SHQ1: variants seen among roughly 807,000 people sequenced by gnomAD.
SHQ1 encodes SHQ1, H/ACA ribonucleoprotein assembly factor.
In SHQ1, 49 loss-of-function variants were observed where a neutral mutation model predicts 53.8. The observed-to-expected ratio is 0.91, with a 90% CI of 0.72 to 1.16. The LOEUF is 1.16. Ranked by LOEUF, SHQ1 falls within the 50% of genes most tolerant of loss-of-function variation. The pLI, the probability that SHQ1 is intolerant of heterozygous loss-of-function variation, is 0.00. For missense variants in SHQ1, 738 were observed against 683.1 expected (o/e 1.08, Z -0.90); for synonymous variants, 243 against 251.0 (o/e 0.97, Z 0.30).
At chr3:72,785,182 A>G (rs1440259380) in intron 10 of SHQ1, among the ~76,000 whole-genome samples, 4 of 152,252 alleles carry the variant, frequency 2.6e-5, no homozygotes, top group Admixed American at 6.5e-5. Flanking sequence ...GCATCATGCA[A>G]GACCATATGC....
rs906892708 is a variant in SHQ1 at position 72,751,216 on chromosome 3, G to GC, written c.1182-381dup. Among the ~76,000 whole-genome samples the GC allele has an allele frequency of 2.4e-4, 37 of 152,132 alleles. 1 individual carries two copies. Among genetic ancestry groups the GC allele is most frequent in the Admixed American group, 2.4e-3 (37 of 15,278 alleles). ...ACCTGAGGTCAGGAGTTCAAGACCA[G>GC]CCTGGCCAACATGGTGAAACCCTGT... On this transcript the variant is annotated intron_variant, in intron 10 of 10. Transcript: ENST00000325599.
downstream of SHQ1, among the ~76,000 whole-genome samples, chr3:72,746,065 A>T (rs184859260): frequency 6.6e-6 from 1 of 152,012 alleles, no homozygotes. Flanking sequence ...CTGGTCTCGA[A>T]CTCCTGACCT....
At chr3:72,738,003 A>G in the SHQ1 span, among the ~76,000 whole-genome samples, 1 of 152,114 alleles carries the variant, frequency 6.6e-6, no homozygotes, top group African/African-American at 2.4e-5. Context: ...TTGCCCCCCA[A>G]TTCCCCAGCT....
intron 9 of SHQ1, among the ~76,000 whole-genome samples, chr3:72,811,919 T>C (rs1231132520): frequency 6.6e-6 from 1 of 152,204 alleles, no homozygotes; most frequent in African/African-American, 2.4e-5. Context: ...GAAATGACCA[T>C]AAAGTACTAA....
chr3:72,731,297 G>A, the SHQ1 span, among the ~76,000 whole-genome samples: 1 of 149,198 alleles, frequency 6.7e-6, no homozygotes, highest in East Asian at 1.9e-4. Flanking sequence ...TGGACCAAGG[G>A]GCAGAATCAA....
chr3:72,762,390 C>G (rs1383300602), intron 10 of SHQ1, among the ~76,000 whole-genome samples: 1 of 152,180 alleles, frequency 6.6e-6, no homozygotes, highest in Non-Finnish European at 1.5e-5. Flanking sequence ...AGCTTTGCAA[C>G]TGTTTTACAT....
At chr3:72,766,665 G>C (rs911651063) in intron 10 of SHQ1, among the ~76,000 whole-genome samples, 1 of 152,218 alleles carries the variant, frequency 6.6e-6, no homozygotes, top group African/African-American at 2.4e-5. Flanking sequence ...TCATGCCTCA[G>C]ACACCAGGCA....
At chr3:72,791,675 T>C (rs902569587) in intron 10 of SHQ1, among the ~76,000 whole-genome samples, 3 of 152,168 alleles carry the variant, frequency 2.0e-5, no homozygotes, top group African/African-American at 7.2e-5. Context: ...CTATAGCACC[T>C]AGGAGTCATT....
At chr3:72,745,408 A>C (rs1321991873), downstream of SHQ1, among the ~76,000 whole-genome samples, 3 of 152,216 alleles carry the variant, frequency 2.0e-5, no homozygotes, top group Non-Finnish European at 2.9e-5. Flanking sequence ...TGCCCACAGC[A>C]AGGCCTCCGA....
intron 10 of SHQ1, among the ~76,000 whole-genome samples, chr3:72,767,135 G>C (rs537057517): frequency 6.6e-6 from 1 of 152,120 alleles, no homozygotes; most frequent in African/African-American, 2.4e-5. Context: ...TCCTCCACAC[G>C]GCCATCAGAC....
At chr3:72,835,078 C>T (rs539854451) in intron 4 of SHQ1, among the ~76,000 whole-genome samples, 3 of 151,134 alleles carry the variant, frequency 2.0e-5, no homozygotes, top group Non-Finnish European at 2.9e-5. Flanking sequence ...TGCAGCCCCA[C>T]ATCATAATAC....
intron 10 of SHQ1, among the ~76,000 whole-genome samples, chr3:72,767,170 T>C (rs919073939): frequency 1.3e-5 from 2 of 152,218 alleles, no homozygotes; most frequent in African/African-American, 4.8e-5. Context: ...ATTGCTTTCA[T>C]ATGTACGAAC....
At chr3:72,751,856 A>G (rs777528547) in intron 10 of SHQ1, among the ~76,000 whole-genome samples, 21 of 152,284 alleles carry the variant, frequency 1.4e-4, no homozygotes, top group Non-Finnish European at 2.8e-4. Flanking sequence ...GAACTTGGCA[A>G]TAACTTTCAA....
rs1706379311 is a variant in SHQ1, at chr3:72,789,735, G to GA, written c.1181+3180dup. 2.6e-5 allele frequency among the ~76,000 whole-genome samples: 4 copies of GA among 152,310 alleles called. No homozygotes were observed. In the East Asian group the frequency reaches 7.7e-4, roughly 29 times the overall value. On this transcript the variant is annotated intron_variant, in intron 10 of 10. Transcript: ENST00000325599. ...ACATAGACCTTAGCATTTTAGAGGGGAAAGAGATACACATCTAGATTCCTA... is the reference window on the plus strand; with the variant it reads ...ACATAGACCTTAGCATTTTAGAGGGGAAAAGAGATACACATCTAGATTCCTA...
At chr3:72,829,363 A>G (rs1256082746) in intron 5 of SHQ1, among the ~76,000 whole-genome samples, 3 of 152,206 alleles carry the variant, frequency 2.0e-5, no homozygotes, top group African/African-American at 4.8e-5. Flanking sequence ...ATTACAATAA[A>G]AATAGTGTCT....
At chr3:72,837,164 G>A (rs1181601231) in intron 4 of SHQ1, among the ~76,000 whole-genome samples, 3 of 152,162 alleles carry the variant, frequency 2.0e-5, no homozygotes, top group Non-Finnish European at 4.4e-5. Flanking sequence ...AGCTAGGGCA[G>A]TTTTCCAAAG....
chr3:72,815,243 A>T, intron 8 of SHQ1, 107 bp downstream of exon 8: 1 of 877,588 alleles, frequency 1.1e-6, no homozygotes, highest in Non-Finnish European at 1.9e-6. Context: ...TAGAGCTTCT[A>T]CTTTTAAAAA....
chr3:72,847,081 T>C (rs1708358988), intron 1 of SHQ1, among the ~76,000 whole-genome samples: 1 of 152,146 alleles, frequency 6.6e-6, no homozygotes, highest in Non-Finnish European at 1.5e-5. Context: ...CTCTCCCCAG[T>C]GAAAAGTACA....
intron 6 of SHQ1, among the ~76,000 whole-genome samples, chr3:72,820,034 TAGAGA>T (rs1489027067): frequency 2.0e-5 from 3 of 152,218 alleles, no homozygotes; most frequent in African/African-American, 4.8e-5. Context: ...GATCTCTGAC[TAGAGA>T]AAAGTCTTTA....
Sources: allele counts gnomAD v4.1 joint callset (sites outside exome capture counted in the v4.1 genomes callset), GRCh38; gene constraint gnomAD v4.1.1; transcripts MANE v1.5; gene names NCBI Gene and HGNC (gene_info 2026-07-23, HGNC 2026-07-21).